The following OTUD7A variants were observed in gnomAD, a reference collection of about 807,000 sequenced individuals.
OTUD7A encodes the protein OTU deubiquitinase 7A, also known as OTU domain-containing protein 7A.
A neutral mutation model predicts 65.7 loss-of-function variants in OTUD7A; 12 were observed. That is an observed-to-expected ratio of 0.18 (90% CI 0.12 to 0.30). The LOEUF is 0.30. OTUD7A is among the 10% of genes least tolerant of loss of function. The pLI is 1.00. For missense variants in OTUD7A, 1,148 were observed against 1,304.8 expected (o/e 0.88, Z 1.85); for synonymous variants, 641 against 586.3 (o/e 1.09, Z -1.35).
intron 8 of OTUD7A, among the ~76,000 whole-genome samples, chr15:31,525,437 G>A (rs972477217): frequency 6.6e-6 from 1 of 152,214 alleles, no homozygotes; most frequent in African/African-American, 2.4e-5. Flanking sequence ...TGCTGCAGCT[G>A]CAGCTCTGTG....
rs113042059 is a variant in OTUD7A, at chr15:31,708,931, G to A, written c.-99-51854C>T. ...CTGTTTCTGGGCCCAAGGCCCCAGT[G>A]GAGGGGAATGTCAGAGAAGATGTGA... On this transcript the variant is annotated intron_variant, in intron 1 of 12. Transcript: ENST00000307050. Among the ~76,000 whole-genome samples the A allele has an allele frequency of 4.9e-3, 745 of 151,662 alleles. 11 individuals are homozygous for A. The highest frequency in any genetic ancestry group is 0.017 in the African/African-American group (715 of 40,966).
At chr15:31,712,848 C>A (rs1295926426) in intron 1 of OTUD7A, among the ~76,000 whole-genome samples, 1 of 144,722 alleles carries the variant, frequency 6.9e-6, no homozygotes, top group African/African-American at 2.6e-5. Flanking sequence ...TCAAAAATTT[C>A]TCTTCACAGA....
chr15:31,841,715 C>T (rs576042653), intron 1 of OTUD7A, among the ~76,000 whole-genome samples: 5 of 152,264 alleles, frequency 3.3e-5, no homozygotes, highest in African/African-American at 1.2e-4. Context: ...TGTATTCCTG[C>T]TTGACCCAAA....
intron 10 of OTUD7A, among the ~76,000 whole-genome samples, chr15:31,494,422 T>A (rs1386367263): frequency 6.6e-6 from 1 of 152,242 alleles, no homozygotes; most frequent in Non-Finnish European, 1.5e-5. Flanking sequence ...GGATCTTGTA[T>A]TCCCAGCTTC....
Position 31,487,352 on chromosome 15 carries a change from C to G in OTUD7A, c.1287-74G>C. The stretch of plus-strand genomic sequence containing the variant: ...AGCACCCAGTCCACTTGCATGCCAG[C>G]TGTCCCAGGAGGAGCAGGGGTGGTA... On this transcript the variant is annotated intron_variant, in intron 11 of 12. Coordinates refer to ENST00000307050, the MANE Select transcript of OTUD7A (RefSeq NM_001382637.1). The surrounding 1 kb of genome is among the most constrained non-coding windows in gnomAD (Gnocchi z 6.0). The G allele has an allele frequency of 6.3e-7, 1 of 1,585,152 alleles. No individual in the cohort carries two copies. Among genetic ancestry groups the G allele is most frequent in the Non-Finnish European group, 8.6e-7 (1 of 1,156,548 alleles).
At chr15:31,838,581 C>A (rs1897109985) in intron 1 of OTUD7A, among the ~76,000 whole-genome samples, 1 of 152,166 alleles carries the variant, frequency 6.6e-6, no homozygotes, top group Admixed American at 6.5e-5. Context: ...AGGCTACCCC[C>A]ACTAATAATC....
At chr15:31,869,399 G>T (rs1897964107) in intron 1 of OTUD7A, among the ~76,000 whole-genome samples, 1 of 152,200 alleles carries the variant, frequency 6.6e-6, no homozygotes, top group Non-Finnish European at 1.5e-5. Flanking sequence ...AGATTTTCCT[G>T]AAGCAATTAA....
chr15:31,817,127 G>A (rs566355102), intron 1 of OTUD7A, among the ~76,000 whole-genome samples: 1 of 152,120 alleles, frequency 6.6e-6, no homozygotes, highest in South Asian at 2.1e-4. Flanking sequence ...TATGAGCACC[G>A]TTTCCCTGGG....
At chr15:31,720,261 T>C (rs1445591096) in intron 1 of OTUD7A, among the ~76,000 whole-genome samples, 2 of 151,618 alleles carry the variant, frequency 1.3e-5, no homozygotes, top group East Asian at 3.9e-4. Flanking sequence ...ATAGTTGTTA[T>C]TTACAGTCAT....
At chr15:31,503,970 A>C in intron 8 of OTUD7A, 152 bp from the exon 9 acceptor site, 15 of 920,350 alleles carry the variant, frequency 1.6e-5, no homozygotes, top group Non-Finnish European at 2.4e-5. Context: ...GCCACTTCTC[A>C]TGCCATCCGC....
At chr15:31,692,927 C>T (rs1892990027) in intron 1 of OTUD7A, among the ~76,000 whole-genome samples, 1 of 150,838 alleles carries the variant, frequency 6.6e-6, no homozygotes. Context: ...CACACACTTG[C>T]ACTGGGACAG....
chr15:31,578,943 T>C (rs1889289060), intron 3 of OTUD7A, among the ~76,000 whole-genome samples: 2 of 152,216 alleles, frequency 1.3e-5, no homozygotes, highest in Admixed American at 1.3e-4. Flanking sequence ...GGGCACATGT[T>C]ATTAGGATCT....
chr15:31,637,083 C>A (rs1891365397), intron 3 of OTUD7A, among the ~76,000 whole-genome samples: 1 of 152,168 alleles, frequency 6.6e-6, no homozygotes, highest in African/African-American at 2.4e-5. Context: ...ATTAAGGTGG[C>A]TACACTATAC....
chr15:31,835,453 G>C (rs536433762), intron 1 of OTUD7A, among the ~76,000 whole-genome samples: 131 of 152,302 alleles, frequency 8.6e-4, no homozygotes, highest in African/African-American at 3.1e-3. Flanking sequence ...GGGCACCATA[G>C]AGAATGGTGA....
chr15:31,747,324 A>G (rs34637743), intron 1 of OTUD7A, among the ~76,000 whole-genome samples: 10,979 of 152,254 alleles, frequency 0.072, 942 homozygotes, highest in African/African-American at 0.21. Flanking sequence ...TTATTTCTAA[A>G]TAACATTCCC....
chr15:31,851,656 C>T (rs558894512), intron 1 of OTUD7A, among the ~76,000 whole-genome samples: 2 of 152,212 alleles, frequency 1.3e-5, no homozygotes, highest in Admixed American at 6.5e-5. Context: ...ATCATTTGAA[C>T]TAATCCTTTG....
intron 8 of OTUD7A, among the ~76,000 whole-genome samples, chr15:31,505,910 C>T (rs1176974974): frequency 2.0e-5 from 3 of 151,800 alleles, no homozygotes; most frequent in South Asian, 2.1e-4. Context: ...CCACCACGCC[C>T]GGCTAATTTT....
At chr15:31,610,137 A>T (rs537738408) in intron 3 of OTUD7A, among the ~76,000 whole-genome samples, 2 of 152,346 alleles carry the variant, frequency 1.3e-5, no homozygotes, top group African/African-American at 4.8e-5. Context: ...GTGATAAAAC[A>T]AAAGCAGAAG....
At chr15:31,533,322 T>A (rs1887695719) in intron 5 of OTUD7A, among the ~76,000 whole-genome samples, 1 of 151,326 alleles carries the variant, frequency 6.6e-6, no homozygotes, top group Admixed American at 6.6e-5. Context: ...CTGCAACCTC[T>A]GCCTCTTAGG....
Sources: gnomAD v4.1 joint callset for allele counts (sites outside exome capture counted in the v4.1 genomes callset) on GRCh38, gnomAD v4.1.1 for gene constraint, Gnocchi (gnomAD v3.1) non-coding constraint, MANE v1.5 for transcripts, NCBI Gene and HGNC (gene_info 2026-07-23, HGNC 2026-07-21) for gene names.